BRINP3: variants seen among roughly 807,000 people sequenced by gnomAD.
BRINP3 encodes the protein BMP/retinoic acid inducible neural specific 3.
In BRINP3, 19 loss-of-function variants were observed where a neutral mutation model predicts 71.0. The ratio of observed to expected loss-of-function variants is 0.27; its 90% CI spans 0.19 to 0.39. BRINP3 has a LOEUF of 0.39. Ranked by LOEUF, BRINP3 falls within the 10% of genes least tolerant of loss-of-function variation. The probability of loss-of-function intolerance (pLI) is 1.00; values close to 1 mark genes in which losing one functional copy is unlikely to be tolerated. For missense variants in BRINP3, 959 were observed against 940.8 expected (o/e 1.02, Z -0.25); for synonymous variants, 380 against 337.7 (o/e 1.13, Z -1.37).
In BRINP3 at chr1:190,099,029, A is replaced by T. The variant is rs752450399; in HGVS notation, c.1290T>A (p.Asn430Lys). ...SEETHSCTCP[N>K]DQVVCTAFLP... ...GGAACGCGGTGCAGACCACCTGGTC[A>T]TTCGGACACGTGCACGAGTGCGTCT... Residue 430 changes from asparagine to lysine, a missense_variant, in exon 8 of 8, where the codon AAT becomes AAA. Physicochemically the swap from Asn to Lys is moderately conservative, Grantham distance 94. Transcript: ENST00000367462. The T allele has an allele frequency of 6.2e-7, 1 of 1,614,210 alleles. No homozygotes were observed. Among genetic ancestry groups the T allele is most frequent in the Admixed American group, 1.7e-5 (1 of 60,022 alleles).
chr1:190,300,645 A>G, intron 2 of BRINP3, among the ~76,000 whole-genome samples: 1 of 152,034 alleles, frequency 6.6e-6, no homozygotes, highest in Admixed American at 6.6e-5. Context: ...CCTAACTGGG[A>G]GGCACCCCCC....
At chr1:190,430,095 T>C (rs2102502166) in intron 2 of BRINP3, among the ~76,000 whole-genome samples, 1 of 152,312 alleles carries the variant, frequency 6.6e-6, no homozygotes, top group Admixed American at 6.5e-5. Flanking sequence ...TAACCTACTC[T>C]CATCTGTTTT....
chr1:190,450,630 AT>A lies in BRINP3; in HGVS notation c.236+4024del, dbSNP rs78540358. On this transcript the variant is annotated intron_variant, in intron 2 of 7. Transcript: ENST00000367462. ...CCTGATGAAAAATACTTGTATTTTAATTCTTAATAACTTGTACTTAAATGGA... is the reference window on the plus strand; with the variant it reads ...CCTGATGAAAAATACTTGTATTTTAATCTTAATAACTTGTACTTAAATGGA... Among the ~76,000 whole-genome samples, 293 of 152,222 alleles carry A rather than the reference AT, an allele frequency of 1.9e-3. 8 individuals carry two copies. The East Asian group carries it at 0.049, about 26-fold the overall frequency.
intron 2 of BRINP3, among the ~76,000 whole-genome samples, chr1:190,408,819 A>T (rs911425821): frequency 6.6e-6 from 1 of 152,196 alleles, no homozygotes; most frequent in African/African-American, 2.4e-5. Flanking sequence ...CAACCTCCAG[A>T]TGTTAACCAT....
chr1:190,389,624 G>T (rs1258916896), intron 2 of BRINP3, among the ~76,000 whole-genome samples: 1 of 151,656 alleles, frequency 6.6e-6, no homozygotes, highest in Non-Finnish European at 1.5e-5. Context: ...CTGTCTGCTG[G>T]GTGATATTGG....
In BRINP3 at chr1:190,303,383, T is replaced by C. The variant is rs113235198; in HGVS notation, c.237-21633A>G. On this transcript the variant is annotated intron_variant, in intron 2 of 7. Transcript: ENST00000367462. ...TTCTTTTTGTAAAATAAATATATTG[T>C]AATCAGAAGACTCCAAATAGGCAAT... is the stretch of plus-strand genomic sequence containing the variant. 3.3e-3 allele frequency among the ~76,000 whole-genome samples: 502 copies of C among 151,624 alleles called. 4 individuals are homozygous for C. Among genetic ancestry groups the C allele is most frequent in the African/African-American group, 0.011 (476 of 41,476 alleles).
intron 2 of BRINP3, among the ~76,000 whole-genome samples, chr1:190,299,459 T>A (rs1664505755): frequency 6.6e-6 from 1 of 151,690 alleles, no homozygotes; most frequent in Non-Finnish European, 1.5e-5. Flanking sequence ...ATACTTTAAG[T>A]TTTAGGGTAC....
At chr1:190,204,333 C>A (rs543033160) in intron 6 of BRINP3, among the ~76,000 whole-genome samples, 1 of 151,200 alleles carries the variant, frequency 6.6e-6, no homozygotes, top group African/African-American at 2.4e-5. Flanking sequence ...GATAGAAAAA[C>A]GCAGAAATAT....
At chr1:190,148,640 TAAATA>T (rs1356751420) in intron 7 of BRINP3, among the ~76,000 whole-genome samples, 14 of 148,542 alleles carry the variant, frequency 9.4e-5, no homozygotes, top group African/African-American at 3.5e-4. Flanking sequence ...AATAAATAAA[TAAATA>T]AATAAATTCT....
chr1:190,331,210 A>C (rs1666941556), intron 2 of BRINP3, among the ~76,000 whole-genome samples: 1 of 152,042 alleles, frequency 6.6e-6, no homozygotes, highest in Non-Finnish European at 1.5e-5. Flanking sequence ...TAGCCTATTA[A>C]GTTTTGAAAA....
chr1:190,265,181 C>A (rs1480010127), intron 3 of BRINP3, 126 bp from the exon 4 acceptor site: 9 of 795,104 alleles, frequency 1.1e-5, no homozygotes, highest in South Asian at 2.1e-5. Flanking sequence ...GCCAAAAGGG[C>A]AAGGGGTTTT....
At chr1:190,199,266 A>G (rs1055953305) in intron 6 of BRINP3, among the ~76,000 whole-genome samples, 1 of 152,134 alleles carries the variant, frequency 6.6e-6, no homozygotes, top group African/African-American at 2.4e-5. Context: ...GATTTGCGTA[A>G]GGACAGAGCT....
chr1:190,307,078 C>T lies in BRINP3; in HGVS notation c.237-25328G>A, dbSNP rs140685105. Among the ~76,000 whole-genome samples the T allele has an allele frequency of 4.9e-3, 747 of 151,542 alleles. 6 individuals carry two copies. Among genetic ancestry groups the T allele is most frequent in the African/African-American group, 0.017 (701 of 41,326 alleles). ...GCAAAATACTCTGTCTTGTATAGTG[C>T]GTTTTGTCACTTTACAGATTTGGAA... On this transcript the variant is annotated intron_variant, in intron 2 of 7. Coordinates refer to ENST00000367462, the MANE Select transcript of BRINP3 (RefSeq NM_199051.3).
intron 2 of BRINP3, among the ~76,000 whole-genome samples, chr1:190,345,309 A>T (rs1571812506): frequency 6.6e-6 from 1 of 151,728 alleles, no homozygotes; most frequent in East Asian, 1.9e-4. Flanking sequence ...ACTTAAAATT[A>T]AAAAAAATTA....
intron 4 of BRINP3, among the ~76,000 whole-genome samples, chr1:190,254,474 G>T (rs1438687126): frequency 6.6e-6 from 1 of 152,072 alleles, no homozygotes; most frequent in South Asian, 2.1e-4. Flanking sequence ...AGTTCTCCTT[G>T]AAGAGGTCCT....
chr1:190,349,437 A>C (rs1379383427), intron 2 of BRINP3, among the ~76,000 whole-genome samples: 1 of 152,102 alleles, frequency 6.6e-6, no homozygotes, highest in Admixed American at 6.6e-5. Flanking sequence ...ATGAATCCAA[A>C]CCCATATGAT....
intron 2 of BRINP3, among the ~76,000 whole-genome samples, chr1:190,405,256 C>G (rs1269892309): frequency 2.0e-5 from 3 of 151,786 alleles, no homozygotes; most frequent in Non-Finnish European, 2.9e-5. Context: ...TCGAGACCAT[C>G]CTGGCTAAGA....
chr1:190,165,264 T>A (rs1195190756), intron 6 of BRINP3, among the ~76,000 whole-genome samples: 1 of 152,094 alleles, frequency 6.6e-6, no homozygotes, highest in African/African-American at 2.4e-5. Flanking sequence ...TTCTTCTACT[T>A]ATGTTTGTGA....
intron 2 of BRINP3, among the ~76,000 whole-genome samples, chr1:190,346,820 C>T (rs770741197): frequency 1.4e-4 from 22 of 152,082 alleles, no homozygotes; most frequent in Non-Finnish European, 3.1e-4. Flanking sequence ...ATTCTTATAT[C>T]ACAGCATTTG....
Sources: allele counts gnomAD v4.1 joint callset (sites outside exome capture counted in the v4.1 genomes callset), GRCh38; gene constraint gnomAD v4.1.1; transcripts MANE v1.5; gene names NCBI Gene and HGNC (gene_info 2026-07-23, HGNC 2026-07-21).